The following PREP variants were observed in gnomAD, a reference collection of about 807,000 sequenced individuals.
PREP encodes the protein prolyl endopeptidase.
PREP carries 29 observed loss-of-function variants against 87.6 expected under a neutral mutation model. The ratio of observed to expected loss-of-function variants is 0.33; its 90% CI spans 0.25 to 0.45. The LOEUF is 0.45. PREP is among the 20% of genes least tolerant of loss of function. PREP has a pLI of 1.00. For synonymous variants in PREP, 337 were observed against 328.6 expected (o/e 1.03, Z -0.28); for missense variants, 695 against 886.5 (o/e 0.78, Z 2.74).
At chr6:105,402,744 CG>C in intron 1 of PREP, 102 bp downstream of exon 1, 2 of 1,098,114 alleles carry the variant, frequency 1.8e-6, no homozygotes, top group East Asian at 6.1e-5. Context: ...GGGAGGGACG[CG>C]GGGGTCGAAG....
intron 8 of PREP, 78 bp downstream of exon 8, chr6:105,333,236 G>C: frequency 1.5e-6 from 2 of 1,363,682 alleles, no homozygotes; most frequent in Non-Finnish European, 2.1e-6. Context: ...CAGATCACTA[G>C]AGAATGAGAG....
At chr6:105,303,439 T>C (rs1248232211) in intron 10 of PREP, among the ~76,000 whole-genome samples, 1 of 151,760 alleles carries the variant, frequency 6.6e-6, no homozygotes, top group Non-Finnish European at 1.5e-5. Context: ...TCAACCAGCC[T>C]CTCTAGTGAT....
chr6:105,282,723 GC>G, intron 12 of PREP, 141 bp from the exon 13 acceptor site: 1 of 947,244 alleles, frequency 1.1e-6, no homozygotes, highest in South Asian at 1.9e-5. Flanking sequence ...TTAAAAAAAA[GC>G]CTCAATTTAA....
chr6:105,274,420 T>C lies in PREP; in HGVS notation c.*3724A>G, dbSNP rs1172133112. On this transcript the variant is annotated 3_prime_UTR_variant, in exon 15 of 15. Coordinates refer to ENST00000652536, the MANE Select transcript of PREP (RefSeq NM_002726.5). ...AATTCCATCACTTTGGGATTTACGATTTCAACATATACATTTCGGGGAGGA... is the reference window on the plus strand; with the variant it reads ...AATTCCATCACTTTGGGATTTACGACTTCAACATATACATTTCGGGGAGGA... Among the ~76,000 whole-genome samples the C allele has an allele frequency of 6.6e-6, 1 of 152,096 alleles. No homozygotes were observed. The highest frequency in any genetic ancestry group is 1.9e-4 in the East Asian group (1 of 5,188).
intron 5 of PREP, 53 bp from the exon 6 acceptor site, chr6:105,369,077 C>A: frequency 8.8e-6 from 14 of 1,585,362 alleles, no homozygotes; most frequent in South Asian, 3.4e-5. Context: ...TTAAGAAAAT[C>A]AATTCCACCC....
intron 2 of PREP, among the ~76,000 whole-genome samples, chr6:105,383,223 C>A: frequency 6.7e-6 from 1 of 148,646 alleles, no homozygotes; most frequent in Non-Finnish European, 1.5e-5. Flanking sequence ...CTTTCCAAGG[C>A]TAATATCTAT....
At chr6:105,388,096 C>T (rs943931504) in intron 2 of PREP, among the ~76,000 whole-genome samples, 4 of 152,180 alleles carry the variant, frequency 2.6e-5, no homozygotes, top group African/African-American at 4.8e-5. Flanking sequence ...CCCTCCGTAG[C>T]GCCCTCCCTT....
At chr6:105,395,876 A>T (rs1481865797) in intron 2 of PREP, among the ~76,000 whole-genome samples, 2 of 152,234 alleles carry the variant, frequency 1.3e-5, no homozygotes, top group African/African-American at 4.8e-5. Flanking sequence ...CAGGAACTTC[A>T]TCCTTTCCCT....
At chr6:105,300,068 G>A (rs969219301) in intron 10 of PREP, among the ~76,000 whole-genome samples, 52 of 151,938 alleles carry the variant, frequency 3.4e-4, no homozygotes, top group African/African-American at 1.3e-3. Context: ...GGGTAACTTT[G>A]GTATTTTTAG....
intron 10 of PREP, among the ~76,000 whole-genome samples, chr6:105,323,302 T>C (rs944350812): frequency 6.6e-6 from 1 of 152,144 alleles, no homozygotes; most frequent in Non-Finnish European, 1.5e-5. Flanking sequence ...ATACTTTACA[T>C]AGAGCAAATC....
chr6:105,294,693 C>T (rs1460519333), intron 10 of PREP, among the ~76,000 whole-genome samples: 2 of 152,210 alleles, frequency 1.3e-5, no homozygotes, highest in Non-Finnish European at 2.9e-5. Flanking sequence ...ACAACGCTCA[C>T]CCATCACCTT....
chr6:105,322,622 T>C (rs886378849), intron 10 of PREP: 1 of 988,310 alleles, frequency 1.0e-6, no homozygotes, highest in African/African-American at 1.7e-5. Context: ...AGAGTTTCTG[T>C]TGCAACCACT....
chr6:105,352,792 A>G (rs1771994010), intron 7 of PREP, among the ~76,000 whole-genome samples, 180 bp downstream of exon 7: 1 of 152,254 alleles, frequency 6.6e-6, no homozygotes. Context: ...TGCTAAAGCC[A>G]ACAGTTTCAT....
intron 1 of PREP, among the ~76,000 whole-genome samples, chr6:105,399,254 T>C (rs1162913229): frequency 6.6e-6 from 1 of 152,230 alleles, no homozygotes; most frequent in Non-Finnish European, 1.5e-5. Context: ...AATTTTTTAA[T>C]CTGTCTCCTT....
At chr6:105,343,685 T>TCAAC (rs1554208480) in intron 7 of PREP, among the ~76,000 whole-genome samples, 3 of 151,542 alleles carry the variant, frequency 2.0e-5, no homozygotes, top group Non-Finnish European at 4.4e-5. Context: ...AATAAAAAAA[T>TCAAC]CAACCCCATC....
At chr6:105,349,035 A>G (rs112641887) in intron 7 of PREP, among the ~76,000 whole-genome samples, 7 of 147,474 alleles carry the variant, frequency 4.7e-5, no homozygotes, top group African/African-American at 1.6e-4. Flanking sequence ...TGTTCTGAAC[A>G]GCTGAAAAAT....
At chr6:105,401,479 C>T (rs1773428815) in intron 1 of PREP, among the ~76,000 whole-genome samples, 1 of 152,150 alleles carries the variant, frequency 6.6e-6, no homozygotes, top group Admixed American at 6.6e-5. Flanking sequence ...AGAAAAAAGG[C>T]CCATAACAGG....
intron 8 of PREP, among the ~76,000 whole-genome samples, chr6:105,332,275 C>G (rs1210580928): frequency 6.6e-6 from 1 of 152,094 alleles, no homozygotes; most frequent in African/African-American, 2.4e-5. Flanking sequence ...AGAGAAGCAG[C>G]TGGAATCAGC....
chr6:105,320,111 A>G (rs1241351403), intron 10 of PREP, among the ~76,000 whole-genome samples: 1 of 152,236 alleles, frequency 6.6e-6, no homozygotes, highest in Non-Finnish European at 1.5e-5. Flanking sequence ...TATAATTTCT[A>G]TGTTCAATAT....
Sources: allele counts gnomAD v4.1 joint callset (sites outside exome capture counted in the v4.1 genomes callset), GRCh38; gene constraint gnomAD v4.1.1; transcripts MANE v1.5; gene names NCBI Gene and HGNC (gene_info 2026-07-23, HGNC 2026-07-21).